The following BBS9 variants were observed in gnomAD, a reference collection of about 807,000 sequenced individuals.
BBS9 encodes protein PTHB1.
A neutral mutation model predicts 117.7 loss-of-function variants in BBS9; 89 were observed. The ratio of observed to expected loss-of-function variants is 0.76; its 90% CI spans 0.64 to 0.90. The LOEUF is 0.90. Ranked by LOEUF, BBS9 falls within the 40% of genes least tolerant of loss-of-function variation. The probability of loss-of-function intolerance (pLI) is 0.00; values close to 1 mark genes in which losing one functional copy is unlikely to be tolerated. For synonymous variants in BBS9, 379 were observed against 370.9 expected, an observed-to-expected ratio of 1.02 and a Z score of -0.25; for missense variants, 982 against 1,042.2, an observed-to-expected ratio of 0.94 and a Z score of 0.80.
chr7:33,588,860 T>G (rs1045679895), intron 21 of BBS9, among the ~76,000 whole-genome samples: 1 of 152,078 alleles, frequency 6.6e-6, no homozygotes, highest in Non-Finnish European at 1.5e-5. Context: ...CCTGGTGTGT[T>G]CCAGGGACAG....
intron 5 of BBS9, among the ~76,000 whole-genome samples, chr7:33,195,602 T>G (rs1342014488): frequency 6.6e-6 from 1 of 152,230 alleles, no homozygotes; most frequent in African/African-American, 2.4e-5. Context: ...ACTTTTTAGC[T>G]TGGAATGTGG....
At chr7:33,331,694 T>C (rs1584361890) in intron 9 of BBS9, among the ~76,000 whole-genome samples, 1 of 137,834 alleles carries the variant, frequency 7.3e-6, no homozygotes, top group Admixed American at 7.3e-5. Context: ...CACACACAAC[T>C]CCCCCCAAAA....
At chr7:33,453,636 C>T (rs766713449) in intron 19 of BBS9, among the ~76,000 whole-genome samples, 2 of 151,836 alleles carry the variant, frequency 1.3e-5, no homozygotes, top group Non-Finnish European at 2.9e-5. Flanking sequence ...ATTCTGCTAC[C>T]TCAGCCTCCC....
chr7:33,282,600 C>T (rs1192337781), intron 9 of BBS9, among the ~76,000 whole-genome samples: 4 of 152,084 alleles, frequency 2.6e-5, no homozygotes, highest in African/African-American at 9.7e-5. Flanking sequence ...TCTTGAACTC[C>T]TGACCTCGTG....
chr7:33,203,607 A>T (rs1259720596), intron 5 of BBS9, among the ~76,000 whole-genome samples: 4 of 152,236 alleles, frequency 2.6e-5, no homozygotes, highest in African/African-American at 9.6e-5. Flanking sequence ...TATAGGAGCC[A>T]CAGGAGTTCA....
At chr7:33,245,137 T>C (rs1336234093) in intron 5 of BBS9, among the ~76,000 whole-genome samples, 1 of 152,186 alleles carries the variant, frequency 6.6e-6, no homozygotes, top group Non-Finnish European at 1.5e-5. Flanking sequence ...GCTCCTTTGG[T>C]GTCCACTTTG....
intron 21 of BBS9, among the ~76,000 whole-genome samples, chr7:33,553,183 T>C (rs2129096085): frequency 6.6e-6 from 1 of 152,348 alleles, no homozygotes; most frequent in African/African-American, 2.4e-5. Context: ...CCTATTATTC[T>C]CACTCATGGT....
chr7:33,346,373 G>C (rs1050848650), intron 12 of BBS9: 1 of 390,066 alleles, frequency 2.6e-6, no homozygotes, highest in Non-Finnish European at 5.2e-6. Flanking sequence ...GCAACTAGGC[G>C]AGTGGTTGTT....
intron 5 of BBS9, among the ~76,000 whole-genome samples, chr7:33,228,569 G>A (rs1472677895): frequency 2.0e-5 from 3 of 151,972 alleles, no homozygotes; most frequent in South Asian, 2.1e-4. Context: ...TGACTCCCCC[G>A]AAAATTAACT....
chr7:33,547,242 G>C (rs1381243070), intron 21 of BBS9, among the ~76,000 whole-genome samples: 4 of 152,124 alleles, frequency 2.6e-5, no homozygotes, highest in African/African-American at 9.7e-5. Context: ...GGAAGGATCT[G>C]TCTATAACTA....
At chr7:33,562,467 A>G (rs1439316920) in intron 21 of BBS9, among the ~76,000 whole-genome samples, 1 of 152,210 alleles carries the variant, frequency 6.6e-6, no homozygotes, top group African/African-American at 2.4e-5. Context: ...TGCAGACAAA[A>G]TAGAATTCCT....
intron 5 of BBS9, among the ~76,000 whole-genome samples, chr7:33,224,456 A>G (rs1386446727): frequency 6.6e-6 from 1 of 152,252 alleles, no homozygotes. Flanking sequence ...TTTTAAAAGC[A>G]TTCTTACAGC....
At chr7:33,372,962 T>C (rs1350613631) in intron 17 of BBS9, among the ~76,000 whole-genome samples, 1 of 152,198 alleles carries the variant, frequency 6.6e-6, no homozygotes, top group Non-Finnish European at 1.5e-5. Flanking sequence ...AACAGTTTAA[T>C]GATTCCTTGT....
intron 9 of BBS9, among the ~76,000 whole-genome samples, chr7:33,304,503 C>T (rs1216695509): frequency 6.6e-6 from 1 of 151,724 alleles, no homozygotes; most frequent in Non-Finnish European, 1.5e-5. Context: ...GCCTGGCCAC[C>T]ACCCCGTCTG....
intron 5 of BBS9, among the ~76,000 whole-genome samples, chr7:33,219,819 G>C (rs1789871512): frequency 1.3e-5 from 2 of 152,136 alleles, no homozygotes; most frequent in African/African-American, 4.8e-5. Flanking sequence ...CAACCCGCTG[G>C]GGTCCCCTTC....
intron 19 of BBS9, among the ~76,000 whole-genome samples, chr7:33,484,803 A>G (rs1842882940): frequency 6.6e-6 from 1 of 152,240 alleles, no homozygotes; most frequent in African/African-American, 2.4e-5. Flanking sequence ...GTATATACCC[A>G]AAGGAATATA....
chr7:33,232,674 A>G (rs1293327621), intron 5 of BBS9, among the ~76,000 whole-genome samples: 1 of 152,180 alleles, frequency 6.6e-6, no homozygotes, highest in East Asian at 1.9e-4. Context: ...TGTGAGATTA[A>G]TACTAACTTC....
At chr7:33,236,296 A>C (rs1793468991) in intron 5 of BBS9, among the ~76,000 whole-genome samples, 1 of 143,832 alleles carries the variant, frequency 7.0e-6, no homozygotes, top group Admixed American at 7.4e-5. Flanking sequence ...ATTTTACTCC[A>C]GCCTGGGTGA....
intron 9 of BBS9, among the ~76,000 whole-genome samples, chr7:33,301,849 C>T (rs1056534076): frequency 3.9e-5 from 6 of 152,082 alleles, no homozygotes; most frequent in Non-Finnish European, 4.4e-5. Flanking sequence ...TGAGGAACCT[C>T]CAAACTGCTC....
Sources: gnomAD v4.1 joint callset for allele counts (sites outside exome capture counted in the v4.1 genomes callset) on GRCh38, gnomAD v4.1.1 for gene constraint, MANE v1.5 for transcripts, NCBI Gene and HGNC (gene_info 2026-07-23, HGNC 2026-07-21) for gene names.